The following PIEZO2 variants were observed in gnomAD, a reference collection of about 807,000 sequenced individuals.
PIEZO2 encodes piezo type mechanosensitive ion channel component 2.
Under a neutral mutation model 337.3 loss-of-function variants are expected in PIEZO2, and 172 were observed. The observed-to-expected ratio is 0.51, with a 90% CI of 0.45 to 0.58. PIEZO2 has a LOEUF of 0.58. PIEZO2 is among the 20% of genes least tolerant of loss of function. The pLI is 0.00. For synonymous variants in PIEZO2, 1,251 were observed against 1,228.5 expected, an observed-to-expected ratio of 1.02 and a Z score of -0.38; for missense variants, 3,028 against 3,391.3, an observed-to-expected ratio of 0.89 and a Z score of 2.66.
intron 3 of PIEZO2, among the ~76,000 whole-genome samples, chr18:10,956,158 C>CA (rs2145345469): frequency 6.6e-6 from 1 of 152,088 alleles, no homozygotes; most frequent in Admixed American, 6.5e-5. Context: ...CCATGATTTT[C>CA]AAAAAATGTC....
intron 35 of PIEZO2, among the ~76,000 whole-genome samples, chr18:10,734,519 G>A (rs1041567609): frequency 6.6e-6 from 1 of 152,242 alleles, no homozygotes; most frequent in Admixed American, 6.5e-5. Flanking sequence ...AAGCATTTTA[G>A]TGGCTGCCCC....
rs1178872096 is a variant in PIEZO2, at chr18:11,120,450, A to G, written c.64+28075T>C. ...AGGACAAATGCAGAAACTGGCAAAA[A>G]GAAAACAATGACAGAGGTTTTCTTG... is the stretch of plus-strand genomic sequence containing the variant. On this transcript the variant is annotated intron_variant, in intron 1 of 55. Transcript: ENST00000674853. 3.9e-5 allele frequency among the ~76,000 whole-genome samples: 6 copies of G among 152,324 alleles called. No homozygotes were observed. The East Asian group carries it at 9.6e-4, about 24-fold the overall frequency.
intron 39 of PIEZO2, among the ~76,000 whole-genome samples, chr18:10,712,854 CAT>C (rs1285667844): frequency 6.6e-6 from 1 of 152,092 alleles, no homozygotes; most frequent in Non-Finnish European, 1.5e-5. Context: ...TTAGGAAATA[CAT>C]GTTTGACCTT....
At chr18:10,738,360 G>A (rs944603410) in intron 33 of PIEZO2, 1 of 152,032 alleles carries the variant, frequency 6.6e-6, no homozygotes, top group African/African-American at 2.4e-5. Flanking sequence ...TCATACCTTC[G>A]ATAACTTTTA....
intron 23 of PIEZO2, 22 bp downstream of exon 23, chr18:10,762,478 C>A (rs2143878619): frequency 6.5e-7 from 1 of 1,532,804 alleles, no homozygotes; most frequent in South Asian, 1.2e-5. Context: ...GAGGCCCAAA[C>A]TAAGCACGAC....
At chr18:10,879,837 C>T (rs1341517966) in intron 4 of PIEZO2, among the ~76,000 whole-genome samples, 1 of 152,128 alleles carries the variant, frequency 6.6e-6, no homozygotes, top group Non-Finnish European at 1.5e-5. Flanking sequence ...GCATATCCAT[C>T]AAATCAAATA....
At chr18:10,905,279 G>T (rs1004414809) in intron 4 of PIEZO2, among the ~76,000 whole-genome samples, 1 of 151,940 alleles carries the variant, frequency 6.6e-6, no homozygotes, top group South Asian at 2.1e-4. Context: ...CATGTACTGC[G>T]GGCTTATAAA....
At chr18:11,008,053 T>C (rs149404024) in intron 2 of PIEZO2, among the ~76,000 whole-genome samples, 128 of 152,330 alleles carry the variant, frequency 8.4e-4, no homozygotes, top group African/African-American at 3.0e-3. Context: ...CAAGCACTTC[T>C]GTATTTGACA....
chr18:10,749,023 A>G (rs2037538674), intron 29 of PIEZO2, among the ~76,000 whole-genome samples: 1 of 152,200 alleles, frequency 6.6e-6, no homozygotes, highest in African/African-American at 2.4e-5. Flanking sequence ...ACCCAGGGGT[A>G]ACCAGCAGAA....
In PIEZO2 at chr18:10,794,966, C is replaced by T. The variant is rs1225343618; in HGVS notation, c.1564G>A (p.Val522Met). The T allele has an allele frequency of 3.2e-6, 5 of 1,547,800 alleles. No individual in the cohort carries two copies. Among genetic ancestry groups the T allele is most frequent in the Admixed American group, 3.9e-5 (2 of 50,966 alleles). ...AGAGTGCACGACCAGATCAGCAGCACGAAGGTCAGCCAGCTGTGATAGGTG... is the reference window on the plus strand; with the variant it reads ...AGAGTGCACGACCAGATCAGCAGCATGAAGGTCAGCCAGCTGTGATAGGTG... ...SITYHSWLTF[V>M]LLIWSCTLWM... Residue 522 changes from valine to methionine, a missense_variant, in exon 13 of 56, where the codon GTG becomes ATG. Around this residue, in one of 5 missense-constraint regions of PIEZO2, gnomAD observed 50 missense variants for 88.2 expected, o/e 0.57. Transcript: ENST00000674853. The surrounding 1 kb of genome is among the most constrained non-coding windows in gnomAD (Gnocchi z 6.6).
intron 8 of PIEZO2, among the ~76,000 whole-genome samples, chr18:10,804,597 G>A (rs1247523780): frequency 6.6e-6 from 1 of 152,196 alleles, no homozygotes; most frequent in African/African-American, 2.4e-5. Context: ...GAGTGGAGTG[G>A]ACTTAGTCTC....
chr18:10,883,490 G>A (rs264208), intron 4 of PIEZO2, among the ~76,000 whole-genome samples: 83,164 of 151,880 alleles, frequency 0.55, 23,380 homozygotes, highest in East Asian at 0.76. Flanking sequence ...TATTTATTAC[G>A]TAGCTAGGCA....
At chr18:11,137,349 C>T (rs1048258498) in intron 1 of PIEZO2, among the ~76,000 whole-genome samples, 3 of 152,184 alleles carry the variant, frequency 2.0e-5, no homozygotes, top group Admixed American at 6.5e-5. Context: ...ATAAAAATTC[C>T]GGCCCGTAGG....
chr18:10,931,268 C>T (rs1254136201), intron 3 of PIEZO2, among the ~76,000 whole-genome samples: 1 of 152,176 alleles, frequency 6.6e-6, no homozygotes, highest in Non-Finnish European at 1.5e-5. Flanking sequence ...GGCGCCATCT[C>T]TGCCCACTGT....
intron 15 of PIEZO2, among the ~76,000 whole-genome samples, chr18:10,788,262 G>A (rs1194117959): frequency 6.6e-6 from 1 of 151,862 alleles, no homozygotes; most frequent in Non-Finnish European, 1.5e-5. Flanking sequence ...ATTAGCTGGA[G>A]GTGTTGGCAC....
At chr18:10,691,515 C>CTA (rs926892007) in intron 47 of PIEZO2, 132 bp from the exon 48 acceptor site, 3 of 918,588 alleles carry the variant, frequency 3.3e-6, no homozygotes. Flanking sequence ...AATGAACTGT[C>CTA]TACACATAGT....
At chr18:10,697,684 A>G (rs1290074552) in intron 45 of PIEZO2, 64 bp downstream of exon 45, 7 of 1,568,942 alleles carry the variant, frequency 4.5e-6, no homozygotes, top group African/African-American at 4.1e-5. Flanking sequence ...CCTGGTTTAT[A>G]GGAAATAATA....
intron 1 of PIEZO2, among the ~76,000 whole-genome samples, chr18:11,088,554 G>C (rs2038978231): frequency 6.6e-6 from 1 of 152,162 alleles, no homozygotes; most frequent in Non-Finnish European, 1.5e-5. Flanking sequence ...TTATTAATGT[G>C]TTAATTGTTT....
intron 2 of PIEZO2, among the ~76,000 whole-genome samples, chr18:11,062,064 T>C (rs1258964571): frequency 1.3e-5 from 2 of 152,052 alleles, no homozygotes; most frequent in African/African-American, 2.4e-5. Context: ...AACAGAGATA[T>C]AGACCAATGG....
Sources: gnomAD v4.1 joint callset for allele counts (sites outside exome capture counted in the v4.1 genomes callset) on GRCh38, gnomAD v4.1.1 for gene constraint, gnomAD v4.1.1 regional missense constraint, Gnocchi (gnomAD v3.1) non-coding constraint, MANE v1.5 for transcripts, NCBI Gene and HGNC (gene_info 2026-07-23, HGNC 2026-07-21) for gene names.